The following ICE1 variants were observed in gnomAD, a reference collection of about 807,000 sequenced individuals.
ICE1 encodes the protein interactor of little elongation complex ELL subunit 1.
ICE1 carries 64 observed loss-of-function variants against 192.7 expected under a neutral mutation model. That is an observed-to-expected ratio of 0.33 (90% CI 0.27 to 0.41). ICE1 has a LOEUF of 0.41. ICE1 is among the 10% of genes least tolerant of loss of function. The pLI is 1.00. For missense variants in ICE1, 2,708 were observed against 2,696.0 expected, an observed-to-expected ratio of 1.00 and a Z score of -0.10; for synonymous variants, 1,010 against 984.5, an observed-to-expected ratio of 1.03 and a Z score of -0.49.
At chr5:5,481,129 G>A in intron 17 of ICE1, among the ~76,000 whole-genome samples, 1 of 152,100 alleles carries the variant, frequency 6.6e-6, no homozygotes, top group East Asian at 1.9e-4. Flanking sequence ...AGGAAAAAAT[G>A]CTCATGCTTT....
At chr5:5,486,571 C>T (rs1013219593) in intron 17 of ICE1, 150 bp from the exon 18 acceptor site, 12 of 559,706 alleles carry the variant, frequency 2.1e-5, no homozygotes, top group Non-Finnish European at 3.2e-5. Context: ...TGGAAAGCAA[C>T]ACATTGTATA....
Position 5,461,187 on chromosome 5 carries a change from G to A in ICE1, c.1853G>A (p.Gly618Glu). 6.2e-7 allele frequency: 1 copy of A among 1,614,016 alleles called. No individual in the cohort carries two copies. Reference sequence around the variant, plus strand: ...TCAGAAGATGATGACTCAGGTGATGGAATGGATGTAGCAGGGCTTGACATT... The same window carrying A: ...TCAGAAGATGATGACTCAGGTGATGAAATGGATGTAGCAGGGCTTGACATT... ...PESEDDDSGD[G>E]MDVAGLDIET... is the part of the protein sequence containing the mutation. Residue 618 changes from glycine to glutamate, a missense_variant, in exon 13 of 19, where the codon GGA becomes GAA. By Grantham distance (98) the Gly-to-Glu change is moderately conservative. Around this residue, in one of 2 missense-constraint regions of ICE1, gnomAD observed 2,366 missense variants for 2,276.6 expected, o/e 1.04. Coordinates refer to ENST00000296564, the MANE Select transcript of ICE1 (RefSeq NM_015325.3).
At position 5,478,296 on chromosome 5, in the gene ICE1, A is replaced by G. The variant is rs188943762; in HGVS notation, c.6520+2217A>G. On this transcript the variant is annotated intron_variant, in intron 17 of 18. Coordinates refer to ENST00000296564, the MANE Select transcript of ICE1 (RefSeq NM_015325.3). The stretch of plus-strand genomic sequence containing the variant: ...ACAAAATCAATGTGCAAAAATCACA[A>G]GCATTCCTATATATCAGTAATAGAC... Among the ~76,000 whole-genome samples, 4 of 152,380 alleles carry G rather than the reference A, an allele frequency of 2.6e-5. No homozygotes were observed. In the East Asian group the frequency reaches 5.8e-4, roughly 22 times the overall value.
In ICE1 at chr5:5,462,601, C is replaced by T; in HGVS notation, c.3267C>T (p.Ser1089=). The T allele has an allele frequency of 6.2e-7, 1 of 1,613,930 alleles. No homozygotes were observed. The highest frequency in any genetic ancestry group is 1.1e-5 in the South Asian group (1 of 91,080). ...HGETQDTSQS[S]LPGTLHCYTG... ...AGACACAGGATACCTCCCAAAGTAG[C>T]CTGCCTGGTACCTTACATTGTTACA... Residue 1089 remains serine (S), a synonymous_variant, in exon 13 of 19, where the codon AGC becomes AGT. Transcript: ENST00000296564.
chr5:5,473,776 G>C lies in ICE1; in HGVS notation c.6413+28G>C, dbSNP rs750572602. 3 of 1,474,916 alleles carry C rather than the reference G, an allele frequency of 2.0e-6. No homozygotes were observed. The African/African-American group carries it at 4.3e-5, about 21-fold the overall frequency. 91.4% of individuals were successfully genotyped at this position (1,474,916 alleles called of 1,614,324 possible). ...TAGTTATTTTACTAATTTAAATAAA[G>C]ATATGTTATTGTAAGGTTGAATTGT... On this transcript the variant is annotated intron_variant, in intron 16 of 18. Transcript: ENST00000296564.
chr5:5,445,374 A>G, intron 7 of ICE1, among the ~76,000 whole-genome samples: 1 of 152,142 alleles, frequency 6.6e-6, no homozygotes, highest in East Asian at 1.9e-4. Context: ...ATATGGAGAT[A>G]AGTGTCTATT....
At chr5:5,481,405 CTT>C (rs1196108439) in intron 17 of ICE1, among the ~76,000 whole-genome samples, 1 of 152,052 alleles carries the variant, frequency 6.6e-6, no homozygotes, top group African/African-American at 2.4e-5. Context: ...GAAGCAGCCT[CTT>C]TGCGTTTATA....
chr5:5,449,307 C>G (rs1008252189), intron 10 of ICE1, among the ~76,000 whole-genome samples: 1 of 152,072 alleles, frequency 6.6e-6, no homozygotes, highest in Non-Finnish European at 1.5e-5. Flanking sequence ...ATCCTTACTT[C>G]TTAAGTGTAT....
rs1386123063 is a variant in ICE1, at chr5:5,463,655, C to T, written c.4321C>T (p.Leu1441=). 1 of 1,613,954 alleles carries T rather than the reference C, an allele frequency of 6.2e-7. No homozygotes were observed. The highest frequency in any genetic ancestry group is 1.7e-5 in the Admixed American group (1 of 60,026). The change falls in exon 13 of 19, where the codon CTG becomes TTG. Residue 1441 remains leucine (L), a synonymous_variant. Transcript: ENST00000296564. Reference sequence around the variant, plus strand: ...CTTGCCACATGTGGACCAGGTCACACTGTGTGACATTCCTGGAGACATCCC... The same window carrying T: ...CTTGCCACATGTGGACCAGGTCACATTGTGTGACATTCCTGGAGACATCCC... The part of the protein sequence containing the change: ...AVLPHVDQVT[L]CDIPGDIPIS...
At chr5:5,484,837 A>G (rs988413662) in intron 17 of ICE1, among the ~76,000 whole-genome samples, 4 of 152,204 alleles carry the variant, frequency 2.6e-5, no homozygotes, top group African/African-American at 9.6e-5. Context: ...GTATTGAGAG[A>G]GAATGTGAAC....
At chr5:5,434,610 T>G (rs1424084199) in intron 1 of ICE1, among the ~76,000 whole-genome samples, 1 of 152,122 alleles carries the variant, frequency 6.6e-6, no homozygotes, top group Non-Finnish European at 1.5e-5. Flanking sequence ...AACATAAAGA[T>G]AGTACTCATG....
At chr5:5,433,473 A>T (rs1737784138) in intron 1 of ICE1, among the ~76,000 whole-genome samples, 1 of 151,688 alleles carries the variant, frequency 6.6e-6, no homozygotes, top group Non-Finnish European at 1.5e-5. Context: ...CTAAATCAGT[A>T]CTCTTGAGTC....
At chr5:5,444,102 A>AT (rs1738130117) in intron 6 of ICE1, among the ~76,000 whole-genome samples, 187 bp from the exon 7 acceptor site, 2 of 152,320 alleles carry the variant, frequency 1.3e-5, no homozygotes, top group South Asian at 4.1e-4. Flanking sequence ...AAAGAACAGA[A>AT]TTTTTTAATC....
intron 9 of ICE1, 32 bp from the exon 10 acceptor site, chr5:5,447,809 T>C: frequency 6.4e-7 from 1 of 1,571,412 alleles, no homozygotes; most frequent in Non-Finnish European, 8.7e-7. Context: ...ATATGTAGTA[T>C]TTTATTAACC....
At chr5:5,474,570 A>G (rs1739260084) in intron 16 of ICE1, among the ~76,000 whole-genome samples, 1 of 152,262 alleles carries the variant, frequency 6.6e-6, no homozygotes, top group Admixed American at 6.5e-5. Context: ...CATTGTATGT[A>G]GTAAATTAAC....
Position 5,462,211 on chromosome 5 carries a change from C to T in ICE1, c.2877C>T (p.Phe959=). ...SDCSTNSRLS[F]SPENILIQNQ... The stretch of plus-strand genomic sequence containing the variant: ...GTTCCACAAATAGCAGATTATCTTT[C>T]TCTCCTGAAAATATCCTCATCCAAA... The change falls in exon 13 of 19, where the codon TTC becomes TTT. Residue 959 remains phenylalanine (F), a synonymous_variant. Transcript: ENST00000296564. The T allele has an allele frequency of 6.2e-7, 1 of 1,610,516 alleles. No individual in the cohort carries two copies. The highest frequency in any genetic ancestry group is 1.3e-5 in the African/African-American group (1 of 75,036).
chr5:5,423,198 G>A (rs1737379538), intron 1 of ICE1, among the ~76,000 whole-genome samples, 199 bp downstream of exon 1: 1 of 152,098 alleles, frequency 6.6e-6, no homozygotes, highest in African/African-American at 2.4e-5. Context: ...CTTTATTTAA[G>A]CTTGAAACCC....
intron 1 of ICE1, among the ~76,000 whole-genome samples, chr5:5,427,956 C>T (rs1039801992): frequency 4.6e-5 from 7 of 152,092 alleles, no homozygotes; most frequent in African/African-American, 1.4e-4. Flanking sequence ...TGTGCCACCT[C>T]TCTGAAGGCT....
chr5:5,489,624 T>G lies in ICE1; in HGVS notation c.*294T>G, dbSNP rs1739733685. The G allele has an allele frequency of 4.4e-6, 1 of 225,568 alleles. No individual in the cohort carries two copies. The highest frequency in any genetic ancestry group is 2.3e-5 in the African/African-American group (1 of 44,234). 14.0% of individuals were successfully genotyped at this position (225,568 alleles called of 1,614,324 possible). On this transcript the variant is annotated 3_prime_UTR_variant, in exon 19 of 19. Transcript: ENST00000296564. ...AACTTGAACTTAGCCCTTTTTTTGC[T>G]GCAGAAAGTGTCCTTTTAGTGGCTT...
Sources: gnomAD v4.1 joint callset for allele counts (sites outside exome capture counted in the v4.1 genomes callset) on GRCh38, gnomAD v4.1.1 for gene constraint, gnomAD v4.1.1 regional missense constraint, MANE v1.5 for transcripts, NCBI Gene and HGNC (gene_info 2026-07-23, HGNC 2026-07-21) for gene names.